Variants in ZNF572 observed in about 807,000 individuals in gnomAD.
ZNF572 encodes the protein zinc finger protein 572.
ZNF572 carries 2 observed loss-of-function variants against 3.8 expected under a neutral mutation model. That is an observed-to-expected ratio of 0.52 (90% confidence interval 0.21 to 1.65). The LOEUF is 1.65. ZNF572 is among the 40% of genes most tolerant of loss of function. The pLI is 0.20. For missense variants in ZNF572, 581 were observed against 633.4 expected, an observed-to-expected ratio of 0.92 and a Z score of 0.89; for synonymous variants, 187 against 204.5, an observed-to-expected ratio of 0.91 and a Z score of 0.73.
At position 124,975,665 on chromosome 8, in the gene ZNF572, G is replaced by C. The variant is rs199745502; in HGVS notation, c.25G>C (p.Val9Leu). ...GATGGAGCAAGAAAAAAAACTGTTG[G>C]TCTCAGATTCTAACAGCTTTATGGA... MEQEKKLL[V>L]SDSNSFMERE... Residue 9 changes from valine to leucine, a missense_variant, in exon 2 of 3, where the codon GTC becomes CTC. Transcript: ENST00000319286. 3.7e-6 allele frequency: 6 copies of C among 1,613,816 alleles called. No individual in the cohort carries two copies. The highest frequency in any genetic ancestry group is 2.7e-5 in the African/African-American group (2 of 74,924).
chr8:124,976,770 T>A lies in ZNF572; in HGVS notation c.502T>A (p.Cys168Ser). 1 of 1,614,158 alleles carries A rather than the reference T, an allele frequency of 6.2e-7. No homozygotes were observed. The highest frequency in any genetic ancestry group is 8.5e-7 in the Non-Finnish European group (1 of 1,180,012). The change falls in exon 3 of 3, where the codon TGT becomes AGT. Residue 168 changes from cysteine to serine, a missense_variant. Cys to Ser is a moderately radical substitution (Grantham distance 112, BLOSUM62 -1). Transcript: ENST00000319286. Reference sequence around the variant, plus strand: ...TTATAAATGCTCTGAGTGTGCAAAATGTTTTTGTAACAGTTCTCACCTGAT... The same window carrying A: ...TTATAAATGCTCTGAGTGTGCAAAAAGTTTTTGTAACAGTTCTCACCTGAT... The part of the protein sequence containing the change: ...KPYKCSECAK[C>S]FCNSSHLIQH...
Position 124,977,139 on chromosome 8 carries a change from C to A in ZNF572, c.871C>A (p.Gln291Lys). The change falls in exon 3 of 3, where the codon CAG becomes AAG. Residue 291 changes from glutamine to lysine, a missense_variant. Transcript: ENST00000319286. ...TCAGAGTTCCAGCCTCATTCGCCAC[C>A]AGCGGACACACACAGGTGAGAAGCC... Reference protein sequence around the residue: ...FSQSSSLIRHQRTHTGEKPYK... With the variant: ...FSQSSSLIRHKRTHTGEKPYK... 6.2e-7 allele frequency: 1 copy of A among 1,608,918 alleles called. No individual in the cohort carries two copies. Among genetic ancestry groups the A allele is most frequent in the African/African-American group, 1.3e-5 (1 of 75,034 alleles).
In ZNF572 at chr8:124,977,749, C is replaced by T; in HGVS notation, c.1481C>T (p.Pro494Leu). 1 of 1,614,208 alleles carries T rather than the reference C, an allele frequency of 6.2e-7. No individual in the cohort carries two copies. The highest frequency in any genetic ancestry group is 8.5e-7 in the Non-Finnish European group (1 of 1,180,020). The change falls in exon 3 of 3, where the codon CCT becomes CTT. Residue 494 changes from proline (P) to leucine (L), a missense_variant. Pro to Leu is a moderately conservative substitution (Grantham distance 98, BLOSUM62 -3). Coordinates refer to ENST00000319286, the MANE Select transcript of ZNF572 (RefSeq NM_152412.3). Reference sequence around the variant, plus strand: ...CATCGGAAAATTCACGTAGAAAAGCCTTTTGAGTCTCCCGACGTTGGGGAT... The same window carrying T: ...CATCGGAAAATTCACGTAGAAAAGCTTTTTGAGTCTCCCGACGTTGGGGAT... ...SQHRKIHVEK[P>L]FESPDVGDFP...
intron 1 of ZNF572, among the ~76,000 whole-genome samples, chr8:124,974,720 G>T (rs1323685290): frequency 6.6e-6 from 1 of 150,384 alleles, no homozygotes; most frequent in East Asian, 1.9e-4. Context: ...ACAGAGTCTT[G>T]CTCTGTCACC....
chr8:124,977,009 T>C lies in ZNF572; in HGVS notation c.741T>C (p.Ser247=). ...CAGGTGAAAAACCATATGAATGTTC[T>C]GTCTGCGGAAAAGGCTTCAGTCACA... ...SHTGEKPYEC[S]VCGKGFSHSY... is the part of the protein sequence containing the mutation. Residue 247 remains serine (S), a synonymous_variant, in exon 3 of 3, where the codon TCT becomes TCC. Transcript: ENST00000319286. The C allele has an allele frequency of 1.2e-6, 2 of 1,614,092 alleles. No homozygotes were observed. Among genetic ancestry groups the C allele is most frequent in the Non-Finnish European group, 1.7e-6 (2 of 1,180,032 alleles).
At chr8:124,975,525 T>C in intron 1 of ZNF572, 81 bp from the exon 2 acceptor site, 2 of 785,070 alleles carry the variant, frequency 2.5e-6, no homozygotes, top group Non-Finnish European at 4.3e-6. Context: ...CCTCCTATTG[T>C]TGTGTTGGAA....
intron 1 of ZNF572, 85 bp from the exon 2 acceptor site, chr8:124,975,521 A>T: frequency 1.3e-6 from 1 of 756,018 alleles, no homozygotes; most frequent in Non-Finnish European, 2.3e-6. Context: ...TATGCCTCCT[A>T]TTGTTGTGTT....
At chr8:124,976,228 T>C (rs1019324459) in intron 2 of ZNF572, 120 bp from the exon 3 acceptor site, 1 of 941,142 alleles carries the variant, frequency 1.1e-6, no homozygotes, top group Admixed American at 3.2e-5. Context: ...TTAAAAACTT[T>C]TTTATATGAA....
Position 124,976,625 on chromosome 8 carries a change from C to T in ZNF572, c.357C>T (p.Ala119=), listed in dbSNP as rs1287616068. ...GGGACTCAGGAGAACATACCAATGC[C>T]TGTGTCCAGCAGAATTCATCCTTTG... ...QEWDSGEHTN[A]CVQQNSSFVD... The change falls in exon 3 of 3, where the codon GCC becomes GCT. Residue 119 remains alanine, a synonymous_variant. Coordinates refer to ENST00000319286, the MANE Select transcript of ZNF572 (RefSeq NM_152412.3). 6.2e-7 allele frequency: 1 copy of T among 1,614,040 alleles called. No individual in the cohort carries two copies. The highest frequency in any genetic ancestry group is 1.1e-5 in the South Asian group (1 of 91,086).
chr8:124,977,384 A>G lies in ZNF572; in HGVS notation c.1116A>G (p.Ile372Met). The change falls in exon 3 of 3, where the codon ATA (isoleucine) becomes ATG (methionine). Residue 372 changes from isoleucine to methionine, a missense_variant. Coordinates refer to ENST00000319286, the MANE Select transcript of ZNF572 (RefSeq NM_152412.3). ...GTTTGGGTCAGAACTGCAATGTGAT[A>G]GAAGAATGCAGAATCCAGTTAGGAG... Reference protein sequence around the residue: ...EESLGQNCNVIEECRIQLGEK... With the variant: ...EESLGQNCNVMEECRIQLGEK... The G allele has an allele frequency of 6.2e-7, 1 of 1,614,220 alleles. No homozygotes were observed. Among genetic ancestry groups the G allele is most frequent in the Non-Finnish European group, 8.5e-7 (1 of 1,180,040 alleles).
In ZNF572 at chr8:124,978,155, T is replaced by G. The variant is rs752198855; in HGVS notation, c.*297T>G. ...ATCCTGAGAGTAAGCAAAGGAACCA[T>G]GAGAACCGAAGCTAGAATTGCTATT... On this transcript the variant is annotated 3_prime_UTR_variant, in exon 3 of 3. Transcript: ENST00000319286. 3.2e-6 allele frequency: 1 copy of G among 310,746 alleles called. No homozygotes were observed. 19.2% of individuals were successfully genotyped at this position (310,746 alleles called of 1,614,324 possible). A position where few individuals can be genotyped will look rare whatever the true frequency, so the allele number is the denominator to read the frequency against.
At chr8:124,974,675 CTTTTTCTTTTTCT>C (rs1332067304) in intron 1 of ZNF572, among the ~76,000 whole-genome samples, 1 of 151,976 alleles carries the variant, frequency 6.6e-6, no homozygotes, top group African/African-American at 2.4e-5. Flanking sequence ...ACATTTTCTT[CTTTTTCTTTTTCT>C]TTTTTCTTTT....
intron 1 of ZNF572, among the ~76,000 whole-genome samples, chr8:124,975,283 T>A (rs911863018): frequency 2.0e-5 from 3 of 152,232 alleles, no homozygotes; most frequent in Non-Finnish European, 1.5e-5. Flanking sequence ...TTAAAAAAAA[T>A]ACTTTGCTTT....
intron 1 of ZNF572, among the ~76,000 whole-genome samples, chr8:124,974,049 C>G (rs372633328): frequency 2.2e-4 from 34 of 152,272 alleles, no homozygotes; most frequent in African/African-American, 7.9e-4. Context: ...TTCTCCCCCC[C>G]AACTCAAACA....
intron 1 of ZNF572, among the ~76,000 whole-genome samples, chr8:124,974,959 C>T (rs769703195): frequency 5.3e-5 from 8 of 152,154 alleles, no homozygotes; most frequent in South Asian, 4.1e-4. Context: ...CTCCAGAAGA[C>T]GAAGTTTAGG....
chr8:124,973,684 C>A (rs1405844329), intron 1 of ZNF572, among the ~76,000 whole-genome samples: 2 of 152,210 alleles, frequency 1.3e-5, no homozygotes, highest in African/African-American at 4.8e-5. Context: ...AACTAGGCTT[C>A]AGGCAGTGCA....
rs1814509506 is a variant in ZNF572 at position 124,976,631 on chromosome 8, C to T, written c.363C>T (p.Val121=). 1 of 1,614,148 alleles carries T rather than the reference C, an allele frequency of 6.2e-7. No individual in the cohort carries two copies. Among genetic ancestry groups the T allele is most frequent in the Non-Finnish European group, 8.5e-7 (1 of 1,180,010 alleles). ...CAGGAGAACATACCAATGCCTGTGT[C>T]CAGCAGAATTCATCCTTTGTAGACA... ...WDSGEHTNAC[V]QQNSSFVDRP... is the part of the protein sequence containing the mutation. Residue 121 remains valine (V), a synonymous_variant, in exon 3 of 3, where the codon GTC becomes GTT. Transcript: ENST00000319286.
At chr8:124,974,567 T>C (rs531540456) in intron 1 of ZNF572, among the ~76,000 whole-genome samples, 1 of 152,398 alleles carries the variant, frequency 6.6e-6, no homozygotes, top group African/African-American at 2.4e-5. Flanking sequence ...CATTTGTATA[T>C]CCTTTTACGT....
At position 124,976,412 on chromosome 8, in the gene ZNF572, AGAG is replaced by A. The variant is rs753200574; in HGVS notation, c.145_147del (p.Glu49del). On this transcript the variant is annotated inframe_deletion, in exon 3 of 3. Transcript: ENST00000319286. ...ATAATTCTAAGGCAGATAAACTTAA[AGAG>A]AAACCTTCAGAATGGTCTAAAAGAC... The A allele has an allele frequency of 9.9e-6, 16 of 1,612,496 alleles. No homozygotes were observed. The Admixed American group carries it at 2.7e-4, about 27-fold the overall frequency.
Sources: gnomAD v4.1 joint callset for allele counts (sites outside exome capture counted in the v4.1 genomes callset) on GRCh38, gnomAD v4.1.1 for gene constraint, MANE v1.5 for transcripts, NCBI Gene and HGNC (gene_info 2026-07-23, HGNC 2026-07-21) for gene names.